IMMP2L: variants seen among roughly 807,000 people sequenced by gnomAD.
The protein encoded by IMMP2L is mitochondrial inner membrane protease subunit 2.
IMMP2L carries 18 observed loss-of-function variants against 19.3 expected under a neutral mutation model. That is an observed-to-expected ratio of 0.93 (90% CI 0.64 to 1.38). IMMP2L has a LOEUF of 1.38. IMMP2L is among the 40% of genes most tolerant of loss of function. IMMP2L has a pLI of 0.00. For missense variants in IMMP2L, 233 were observed against 218.2 expected (o/e 1.07, Z -0.43); for synonymous variants, 76 against 73.0 (o/e 1.04, Z -0.21).
chr7:111,323,309 C>A (rs933425333), intron 3 of IMMP2L, among the ~76,000 whole-genome samples: 2 of 151,958 alleles, frequency 1.3e-5, no homozygotes, highest in African/African-American at 2.4e-5. Flanking sequence ...AAACAAAAAA[C>A]CCCATCAAAA....
chr7:111,227,382 A>G (rs564285620), intron 3 of IMMP2L, among the ~76,000 whole-genome samples: 1 of 152,272 alleles, frequency 6.6e-6, no homozygotes, highest in South Asian at 2.1e-4. Flanking sequence ...CCAGAAATCA[A>G]TAAGGAAAGA....
At chr7:111,019,318 A>G (rs574114072) in intron 3 of IMMP2L, among the ~76,000 whole-genome samples, 38 of 152,176 alleles carry the variant, frequency 2.5e-4, no homozygotes, top group Admixed American at 3.9e-4. Flanking sequence ...GCAAAGCTCC[A>G]GGATCTGTAT....
intron 1 of IMMP2L, among the ~76,000 whole-genome samples, chr7:111,524,907 T>TA (rs1846694161): frequency 6.6e-6 from 1 of 152,160 alleles, no homozygotes; most frequent in African/African-American, 2.4e-5. Flanking sequence ...TCCACTCATC[T>TA]ACCCAGTCAC....
chr7:111,147,228 C>T (rs886513898), intron 3 of IMMP2L, among the ~76,000 whole-genome samples: 1 of 151,950 alleles, frequency 6.6e-6, no homozygotes, highest in Admixed American at 6.6e-5. Flanking sequence ...GTTGTTGTTG[C>T]TGTTGTTGTT....
chr7:110,843,841 A>G (rs1439175256), intron 5 of IMMP2L, among the ~76,000 whole-genome samples: 1 of 152,114 alleles, frequency 6.6e-6, no homozygotes, highest in Non-Finnish European at 1.5e-5. Flanking sequence ...AATATTCTGG[A>G]CTAAGGAAGT....
intron 3 of IMMP2L, among the ~76,000 whole-genome samples, chr7:111,092,729 G>C (rs536410693): frequency 8.5e-5 from 13 of 152,240 alleles, no homozygotes; most frequent in Middle Eastern, 3.4e-3. Context: ...AGGGAAGCCA[G>C]CTACTTAGAA....
At chr7:111,331,640 T>G (rs1825888492) in intron 3 of IMMP2L, among the ~76,000 whole-genome samples, 1 of 151,924 alleles carries the variant, frequency 6.6e-6, no homozygotes, top group Admixed American at 6.6e-5. Flanking sequence ...TTCCACATTG[T>G]ATTCATGGAT....
At chr7:111,009,809 A>G (rs1001494566) in intron 3 of IMMP2L, among the ~76,000 whole-genome samples, 7 of 152,276 alleles carry the variant, frequency 4.6e-5, no homozygotes, top group African/African-American at 1.7e-4. Context: ...TCTGAGTAGA[A>G]GCTGAAAAAT....
chr7:111,407,333 A>C (rs1036619859), intron 3 of IMMP2L, among the ~76,000 whole-genome samples: 3 of 152,070 alleles, frequency 2.0e-5, no homozygotes, highest in Non-Finnish European at 4.4e-5. Context: ...ACATGAAAAC[A>C]TATATCTACG....
intron 3 of IMMP2L, among the ~76,000 whole-genome samples, chr7:111,370,690 G>A (rs1830185095): frequency 6.6e-6 from 1 of 151,892 alleles, no homozygotes; most frequent in Non-Finnish European, 1.5e-5. Flanking sequence ...CTGAGTCAGT[G>A]AGCTTTAGTG....
At chr7:111,271,794 C>G (rs971389239) in intron 3 of IMMP2L, among the ~76,000 whole-genome samples, 5 of 152,102 alleles carry the variant, frequency 3.3e-5, no homozygotes, top group Non-Finnish European at 7.4e-5. Context: ...CCTACATTAC[C>G]TAAAACCTAT....
intron 1 of IMMP2L, among the ~76,000 whole-genome samples, chr7:111,522,309 A>G (rs1351401247): frequency 6.6e-6 from 1 of 152,078 alleles, no homozygotes; most frequent in Non-Finnish European, 1.5e-5. Flanking sequence ...AAAAACAGAC[A>G]ATGGAGATTA....
At position 110,851,196 on chromosome 7, in the gene IMMP2L, G is replaced by T. The variant is rs1014074965; in HGVS notation, c.408+35397C>A. 2.0e-5 allele frequency among the ~76,000 whole-genome samples: 3 copies of T among 152,054 alleles called. No homozygotes were observed. The East Asian group carries it at 5.8e-4, about 29-fold the overall frequency. ...TTTTAAATGTACATATTCAAAAATT[G>T]TGAGATTTCAATTCTAAAACTTATT... On this transcript the variant is annotated intron_variant, in intron 5 of 5. Transcript: ENST00000405709.
chr7:111,491,828 A>T (rs1289731625), intron 2 of IMMP2L, among the ~76,000 whole-genome samples: 1 of 152,056 alleles, frequency 6.6e-6, no homozygotes, highest in Non-Finnish European at 1.5e-5. Context: ...GGTGACCTGG[A>T]GGGAGACCAT....
chr7:110,782,554 G>A (rs1283816265), intron 5 of IMMP2L, among the ~76,000 whole-genome samples: 1 of 151,736 alleles, frequency 6.6e-6, no homozygotes, highest in African/African-American at 2.4e-5. Flanking sequence ...TTGATGGTCT[G>A]TCAAGCAGTT....
chr7:111,485,163 T>C (rs1292578962), intron 3 of IMMP2L, among the ~76,000 whole-genome samples: 4 of 152,156 alleles, frequency 2.6e-5, no homozygotes, highest in South Asian at 2.1e-4. Context: ...AGCAACAATA[T>C]TGCTTCACGA....
At chr7:111,560,763 C>G (rs147765984) in intron 1 of IMMP2L, among the ~76,000 whole-genome samples, 1 of 152,304 alleles carries the variant, frequency 6.6e-6, no homozygotes, top group Non-Finnish European at 1.5e-5. Flanking sequence ...GATAAAAGTG[C>G]GTAGCACATG....
intron 3 of IMMP2L, among the ~76,000 whole-genome samples, chr7:111,010,406 C>T (rs1361426312): frequency 6.6e-6 from 1 of 151,954 alleles, no homozygotes; most frequent in Non-Finnish European, 1.5e-5. Context: ...TAATGGTTTT[C>T]GTCATTCACA....
chr7:110,939,915 T>C (rs1307864385), intron 4 of IMMP2L, among the ~76,000 whole-genome samples: 1 of 152,146 alleles, frequency 6.6e-6, no homozygotes, highest in Non-Finnish European at 1.5e-5. Context: ...TCTGACATTA[T>C]ATACTCATGT....
Sources: allele counts gnomAD v4.1 joint callset (sites outside exome capture counted in the v4.1 genomes callset), GRCh38; gene constraint gnomAD v4.1.1; transcripts MANE v1.5; gene names NCBI Gene and HGNC (gene_info 2026-07-23, HGNC 2026-07-21).